FKBP5: variants seen among roughly 807,000 people sequenced by gnomAD.
FKBP5 encodes FKBP prolyl isomerase 5.
A neutral mutation model predicts 50.5 loss-of-function variants in FKBP5; 23 were observed. That is an observed-to-expected ratio of 0.46 (90% CI 0.33 to 0.65). The LOEUF (loss-of-function observed/expected upper bound fraction) is 0.65. FKBP5 is among the 30% of genes least tolerant of loss of function. The probability of loss-of-function intolerance (pLI) is 0.02; values close to 1 mark genes in which losing one functional copy is unlikely to be tolerated. For synonymous variants in FKBP5, 176 were observed against 190.6 expected (o/e 0.92, Z 0.63); for missense variants, 411 against 553.1 (o/e 0.74, Z 2.58).
At position 35,577,192 on chromosome 6, in the gene FKBP5, C is replaced by T. The variant is rs1762249281; in HGVS notation, c.1068G>A (p.Arg356=). The T allele has an allele frequency of 1.2e-6, 2 of 1,613,418 alleles. No homozygotes were observed. The highest frequency in any genetic ancestry group is 3.3e-5 in the Admixed American group (2 of 59,988). ...LDSANEKGLY[R]RGEAQLLMNE... The stretch of plus-strand genomic sequence containing the variant: ...TCATGAGCAGCTGGGCTTCACCCCT[C>T]CTATACAAGCCTTTCTCATTGGCAC... The change falls in exon 10 of 11, where the codon AGG becomes AGA. Residue 356 remains arginine (R), a synonymous_variant. Coordinates refer to ENST00000357266, the MANE Select transcript of FKBP5 (RefSeq NM_004117.4).
chr6:35,642,042 C>G (rs142708384), intron 2 of FKBP5, among the ~76,000 whole-genome samples: 1 of 138,574 alleles, frequency 7.2e-6, no homozygotes, highest in Non-Finnish European at 1.6e-5. Context: ...TAAAATAAAA[C>G]CCCTTTGAAT....
chr6:35,642,976 CA>C, intron 1 of FKBP5, 133 bp from the exon 2 acceptor site: 1 of 608,972 alleles, frequency 1.6e-6, no homozygotes, highest in Non-Finnish European at 2.9e-6. Context: ...AAAATGAAAA[CA>C]AAGGCATTTG....
At position 35,620,011 on chromosome 6, in the gene FKBP5, ATAAG is replaced by A. The variant is rs761214970; in HGVS notation, c.393+117_393+120del. On this transcript the variant is annotated intron_variant, in intron 4 of 10. Coordinates refer to ENST00000357266, the MANE Select transcript of FKBP5 (RefSeq NM_004117.4). Reference sequence around the variant, plus strand: ...ACAATTCAAGAAGCCATGCTCCAAAATAAGTAAGTTGGATCTGATTCTCTATAGC... The same window carrying A: ...ACAATTCAAGAAGCCATGCTCCAAAATAAGTTGGATCTGATTCTCTATAGC... 4.9e-4 allele frequency: 603 copies of A among 1,234,540 alleles called. 2 individuals carry two copies. The highest frequency in any genetic ancestry group is 6.2e-4 in the Non-Finnish European group (540 of 873,040). The allele number at this position is 1,234,540 out of a possible 1,614,324, so 76.5% of individuals were successfully genotyped here.
In FKBP5 at chr6:35,574,756, C is replaced by T. The variant is rs1561838897; in HGVS notation, c.*1079G>A. 1 of 152,416 alleles carries T rather than the reference C, an allele frequency of 6.6e-6. No homozygotes were observed. The highest frequency in any genetic ancestry group is 2.4e-5 in the African/African-American group (1 of 41,396). The allele number at this position is 152,416 out of a possible 1,614,324, so 9.4% of individuals were successfully genotyped here. Reference sequence around the variant, plus strand: ...GTACTAAAAAGTCAAAATTTTTTTGCATGATAGAGGAGTGTAAATAAAGTT... The same window carrying T: ...GTACTAAAAAGTCAAAATTTTTTTGTATGATAGAGGAGTGTAAATAAAGTT... On this transcript the variant is annotated 3_prime_UTR_variant, in exon 11 of 11. Transcript: ENST00000357266.
chr6:35,705,014 G>A (rs1188650660), intron 2 of FKBP5, among the ~76,000 whole-genome samples: 1 of 150,656 alleles, frequency 6.6e-6, no homozygotes, highest in Non-Finnish European at 1.5e-5. Context: ...GGTGGCAGGT[G>A]CCTATAGTCC....
rs1006485797 is a variant in FKBP5 at position 35,574,748 on chromosome 6, T to G, written c.*1087A>C. 6.6e-6 allele frequency: 1 copy of G among 152,596 alleles called. No individual in the cohort carries two copies. 9.5% of individuals were successfully genotyped at this position (152,596 alleles called of 1,614,324 possible). A position where few individuals can be genotyped will look rare whatever the true frequency, so the allele number is the denominator to read the frequency against. ...TAAGCTTAGTACTAAAAAGTCAAAATTTTTTTGCATGATAGAGGAGTGTAA... is the reference window on the plus strand; with the variant it reads ...TAAGCTTAGTACTAAAAAGTCAAAAGTTTTTTGCATGATAGAGGAGTGTAA... On this transcript the variant is annotated 3_prime_UTR_variant, in exon 11 of 11. Coordinates refer to ENST00000357266, the MANE Select transcript of FKBP5 (RefSeq NM_004117.4).
intron 1 of FKBP5, among the ~76,000 whole-genome samples, chr6:35,723,199 C>CTCCA (rs567113548): frequency 8.6e-4 from 131 of 152,116 alleles, no homozygotes; most frequent in African/African-American, 3.1e-3. Flanking sequence ...CACCACTGCA[C>CTCCA]TCCAGCCTGG....
chr6:35,597,168 C>T, intron 6 of FKBP5, 80 bp downstream of exon 6: 2 of 1,515,870 alleles, frequency 1.3e-6, no homozygotes, highest in Non-Finnish European at 1.8e-6. Flanking sequence ...ACTGAAAATG[C>T]CAAAACACTG....
At chr6:35,647,074 A>G (rs1010280021) in intron 1 of FKBP5, among the ~76,000 whole-genome samples, 3 of 152,224 alleles carry the variant, frequency 2.0e-5, no homozygotes, top group African/African-American at 2.4e-5. Flanking sequence ...AGTTTTCAGA[A>G]AGATATTTCT....
At chr6:35,675,338 G>A (rs1765498103) in intron 1 of FKBP5, among the ~76,000 whole-genome samples, 2 of 152,232 alleles carry the variant, frequency 1.3e-5, no homozygotes, top group South Asian at 2.1e-4. Flanking sequence ...TTGGGAGGCC[G>A]AGGCGGGTGG....
chr6:35,646,918 A>G (rs1391164653), intron 1 of FKBP5, among the ~76,000 whole-genome samples: 1 of 152,240 alleles, frequency 6.6e-6, no homozygotes, highest in Non-Finnish European at 1.5e-5. Flanking sequence ...AATTTCAGTT[A>G]ACATAACTAA....
At chr6:35,677,219 G>T (rs1370619365) in intron 1 of FKBP5, among the ~76,000 whole-genome samples, 2 of 152,008 alleles carry the variant, frequency 1.3e-5, no homozygotes, top group South Asian at 4.1e-4. Flanking sequence ...GACTACAGGC[G>T]CCTGCCACCA....
intron 8 of FKBP5, chr6:35,586,743 T>C (rs1252879656): frequency 1.6e-6 from 2 of 1,259,038 alleles, no homozygotes; most frequent in Non-Finnish European, 2.0e-6. Context: ...CCAAGCAAGA[T>C]GCTTTAGGAG....
intron 2 of FKBP5, among the ~76,000 whole-genome samples, chr6:35,704,314 G>A (rs1766243834): frequency 6.6e-6 from 1 of 152,214 alleles, no homozygotes; most frequent in African/African-American, 2.4e-5. Context: ...GTGGTTTCCA[G>A]GATGACCACT....
chr6:35,605,333 A>G (rs1283834996), intron 5 of FKBP5, among the ~76,000 whole-genome samples: 4 of 149,230 alleles, frequency 2.7e-5, no homozygotes, highest in Non-Finnish European at 6.0e-5. Flanking sequence ...CAATAAACTA[A>G]GCATCAAAGG....
upstream of FKBP5, among the ~76,000 whole-genome samples, chr6:35,693,199 G>A (rs1243798001): frequency 6.1e-5 from 7 of 114,674 alleles, no homozygotes; most frequent in Non-Finnish European, 1.1e-4. Context: ...GCCTGGCTCT[G>A]TTGCCCAGGC....
intron 1 of FKBP5, among the ~76,000 whole-genome samples, chr6:35,677,235 A>G (rs1418107960): frequency 1.3e-5 from 2 of 151,946 alleles, no homozygotes; most frequent in African/African-American, 2.4e-5. Flanking sequence ...CACCACACCC[A>G]GCTAATTTTT....
In FKBP5 at chr6:35,584,042, T is replaced by C. The variant is rs1243644744; in HGVS notation, c.840+2992A>G. 1.9e-5 allele frequency: 19 copies of C among 985,300 alleles called. No individual in the cohort carries two copies. In the South Asian group the frequency reaches 5.6e-4, roughly 29 times the overall value. 61.0% of individuals were successfully genotyped at this position (985,300 alleles called of 1,614,324 possible). On this transcript the variant is annotated intron_variant, in intron 8 of 10. Coordinates refer to ENST00000357266, the MANE Select transcript of FKBP5 (RefSeq NM_004117.4). ...ATCACTTCAGTGTTCTTAGCCTTCT[T>C]GCCACTCTGCTGCCAAGTCAGAAAA...
intron 2 of FKBP5, among the ~76,000 whole-genome samples, chr6:35,701,963 T>A (rs1306047134): frequency 6.6e-6 from 1 of 151,944 alleles, no homozygotes; most frequent in Non-Finnish European, 1.5e-5. Flanking sequence ...TTCTCATACC[T>A]CAGCCTCCCA....
Sources: allele counts gnomAD v4.1 joint callset (sites outside exome capture counted in the v4.1 genomes callset), GRCh38; gene constraint gnomAD v4.1.1; transcripts MANE v1.5; gene names NCBI Gene and HGNC (gene_info 2026-07-23, HGNC 2026-07-21).